SND1: variants seen among roughly 807,000 people sequenced by gnomAD.
SND1 encodes the protein staphylococcal nuclease domain-containing protein 1.
In SND1, 38 loss-of-function variants were observed where a neutral mutation model predicts 121.7. The observed-to-expected ratio is 0.31, with a 90% CI of 0.24 to 0.41. The LOEUF is 0.41. Among genes scored for constraint, SND1 ranks in the 10% least tolerant of loss-of-function variants. The pLI, the probability that SND1 is intolerant of heterozygous loss-of-function variation, is 1.00. For synonymous variants in SND1, 401 were observed against 447.4 expected (o/e 0.90, Z 1.31); for missense variants, 868 against 1,184.6 (o/e 0.73, Z 3.92).
At chr7:127,822,757 A>C (rs1428147181) in intron 11 of SND1, among the ~76,000 whole-genome samples, 1 of 152,200 alleles carries the variant, frequency 6.6e-6, no homozygotes, top group African/African-American at 2.4e-5. Flanking sequence ...GTAACCTGCA[A>C]TATGATGGTT....
intron 16 of SND1, chr7:127,999,649 T>G (rs1234448103): frequency 2.6e-5 from 4 of 152,150 alleles, no homozygotes; most frequent in African/African-American, 9.7e-5. Flanking sequence ...ATGATGAGGA[T>G]AGTGGGCAGT....
At chr7:128,011,599 G>T (rs1803118890) in intron 16 of SND1, among the ~76,000 whole-genome samples, 1 of 152,142 alleles carries the variant, frequency 6.6e-6, no homozygotes, top group South Asian at 2.1e-4. Context: ...CTGCACATTG[G>T]AATCATGGAG....
chr7:128,037,474 G>T (rs184913035), intron 16 of SND1, among the ~76,000 whole-genome samples: 1 of 152,124 alleles, frequency 6.6e-6, no homozygotes, highest in African/African-American at 2.4e-5. Context: ...TCAAATTCCC[G>T]TCACAGGGTT....
chr7:128,047,833 T>C (rs1019353826), intron 16 of SND1, among the ~76,000 whole-genome samples: 3 of 152,196 alleles, frequency 2.0e-5, no homozygotes, highest in African/African-American at 7.2e-5. Flanking sequence ...GTATGACTTA[T>C]TGTTTATGAA....
intron 4 of SND1, among the ~76,000 whole-genome samples, chr7:127,699,676 TG>T (rs1170183038): frequency 6.6e-6 from 1 of 152,218 alleles, no homozygotes; most frequent in Non-Finnish European, 1.5e-5. Context: ...TCACTAGTGT[TG>T]GCTGTCAGTA....
intron 10 of SND1, among the ~76,000 whole-genome samples, chr7:127,732,400 A>G (rs954323429): frequency 6.6e-6 from 1 of 152,150 alleles, no homozygotes; most frequent in African/African-American, 2.4e-5. Context: ...TGGTCGTTCT[A>G]TTAGTTGTTC....
At chr7:127,915,080 C>T (rs1800546042) in intron 14 of SND1, among the ~76,000 whole-genome samples, 1 of 152,104 alleles carries the variant, frequency 6.6e-6, no homozygotes, top group South Asian at 2.1e-4. Flanking sequence ...TGCAGTGGCG[C>T]AATCTCAGCT....
intron 12 of SND1, among the ~76,000 whole-genome samples, chr7:127,876,540 T>G (rs964678070): frequency 6.6e-6 from 1 of 152,086 alleles, no homozygotes; most frequent in Non-Finnish European, 1.5e-5. Flanking sequence ...TTTGGTAAGA[T>G]TCAAAAAAGC....
chr7:127,690,565 C>T (rs1179789624), intron 2 of SND1, among the ~76,000 whole-genome samples: 1 of 152,250 alleles, frequency 6.6e-6, no homozygotes, highest in Non-Finnish European at 1.5e-5. Flanking sequence ...TGCATGTTTA[C>T]ACGTTTATAT....
chr7:127,766,771 C>CAAAGAAAA (rs1797426489), intron 10 of SND1, among the ~76,000 whole-genome samples: 1 of 33,202 alleles, frequency 3.0e-5, no homozygotes, highest in Non-Finnish European at 5.8e-5. Context: ...GACTTTGTCT[C>CAAAGAAAA]AAAAAAAAAA....
chr7:128,008,031 C>G (rs542946599), intron 16 of SND1: 22 of 152,260 alleles, frequency 1.4e-4, no homozygotes, highest in African/African-American at 5.3e-4. Context: ...TTTATCCCCA[C>G]AGTGCCTCCC....
intron 12 of SND1, among the ~76,000 whole-genome samples, chr7:127,872,954 A>G (rs761075870): frequency 2.6e-5 from 4 of 152,146 alleles, no homozygotes; most frequent in Admixed American, 2.6e-4. Flanking sequence ...TTGTTCATTC[A>G]TTCTTAAGAG....
At chr7:127,748,883 G>A (rs1380826951) in intron 10 of SND1, among the ~76,000 whole-genome samples, 2 of 152,116 alleles carry the variant, frequency 1.3e-5, no homozygotes, top group Admixed American at 6.5e-5. Flanking sequence ...CAAACCTTGA[G>A]TATAGACTCA....
intron 3 of SND1, among the ~76,000 whole-genome samples, chr7:127,697,956 C>T (rs980351273): frequency 6.6e-6 from 1 of 152,134 alleles, no homozygotes; most frequent in Non-Finnish European, 1.5e-5. Flanking sequence ...TGATTATTCC[C>T]TCATAGATGT....
chr7:127,676,485 G>A (rs1795617934), intron 1 of SND1, among the ~76,000 whole-genome samples: 1 of 152,150 alleles, frequency 6.6e-6, no homozygotes, highest in Non-Finnish European at 1.5e-5. Context: ...AGAGCTCATG[G>A]TTGTTCCGTT....
intron 17 of SND1, among the ~76,000 whole-genome samples, chr7:128,079,026 T>C (rs1271653498): frequency 6.6e-6 from 1 of 152,222 alleles, no homozygotes; most frequent in Non-Finnish European, 1.5e-5. Context: ...GAGGGCTCCA[T>C]CCCAGTTCAC....
At chr7:127,873,215 G>C (rs1054352826) in intron 12 of SND1, among the ~76,000 whole-genome samples, 6 of 152,090 alleles carry the variant, frequency 3.9e-5, no homozygotes, top group African/African-American at 1.4e-4. Context: ...TGGGTTTCAG[G>C]TGGGTTAGGG....
At chr7:128,005,462 G>T (rs998387003) in intron 16 of SND1, among the ~76,000 whole-genome samples, 5 of 152,118 alleles carry the variant, frequency 3.3e-5, no homozygotes, top group Non-Finnish European at 5.9e-5. Flanking sequence ...TCTGTAATTT[G>T]TACAGTATCG....
At chr7:127,817,955 C>A (rs17151377) in intron 11 of SND1, among the ~76,000 whole-genome samples, 43,090 of 151,782 alleles carry the variant, frequency 0.28, 7,688 homozygotes, top group East Asian at 0.7. Flanking sequence ...ACAATGACGT[C>A]GAGATCCTCA....
Sources: allele counts gnomAD v4.1 joint callset (sites outside exome capture counted in the v4.1 genomes callset), GRCh38; gene constraint gnomAD v4.1.1; transcripts MANE v1.5; gene names NCBI Gene and HGNC (gene_info 2026-07-23, HGNC 2026-07-21).